Variants in ANKRD31 observed in about 807,000 individuals in gnomAD.
ANKRD31 encodes ankyrin repeat domain 31.
In ANKRD31, 147 loss-of-function variants were observed where a neutral mutation model predicts 186.0. The observed-to-expected ratio is 0.79, with a 90% CI of 0.69 to 0.91. The LOEUF (loss-of-function observed/expected upper bound fraction) is 0.91, where lower values mean the gene tolerates loss of function less well. Among genes scored for constraint, ANKRD31 ranks in the 40% least tolerant of loss-of-function variants. ANKRD31 has a pLI of 0.00. For missense variants in ANKRD31, 1,986 were observed against 2,148.8 expected (o/e 0.92, Z 1.50); for synonymous variants, 673 against 736.4 (o/e 0.91, Z 1.39).
In ANKRD31 at chr5:75,112,593, G is replaced by A. The variant is rs1372968305; in HGVS notation, c.4163C>T (p.Thr1388Ile). The stretch of plus-strand genomic sequence containing the variant: ...TATATCTTGTAGAATGGCACTGAGG[G>A]TCTGATGCTATCAGATAAAAATATT... ...RSRESLSVHQ[T>I]LSAILQDIEE... Residue 1388 changes from threonine to isoleucine, a missense_variant, in exon 20 of 26, where the codon ACC becomes ATC. By Grantham distance (89) the Thr-to-Ile change is moderately conservative. Transcript: ENST00000506364. 6.6e-7 allele frequency: 1 copy of A among 1,513,896 alleles called. No homozygotes were observed. Among genetic ancestry groups the A allele is most frequent in the Admixed American group, 2.0e-5 (1 of 49,164 alleles). The allele number at this position is 1,513,896 out of a possible 1,614,324, so 93.8% of individuals were successfully genotyped here. A position where few individuals can be genotyped will look rare whatever the true frequency, so the allele number is the denominator to read the frequency against.
At chr5:75,167,000 T>C (rs1465653262) in intron 11 of ANKRD31, among the ~76,000 whole-genome samples, 1 of 152,086 alleles carries the variant, frequency 6.6e-6, no homozygotes, top group Non-Finnish European at 1.5e-5. Flanking sequence ...TTAAAAGGGT[T>C]GTATAACCCT....
At chr5:75,174,619 AC>A (rs1302134716) in intron 10 of ANKRD31, among the ~76,000 whole-genome samples, 1 of 152,258 alleles carries the variant, frequency 6.6e-6, no homozygotes, top group East Asian at 1.9e-4. Flanking sequence ...GCCAACAGAC[AC>A]ATGAAAAAAT....
intron 22 of ANKRD31, among the ~76,000 whole-genome samples, chr5:75,102,760 C>T (rs1580330598): frequency 2.0e-5 from 3 of 152,200 alleles, no homozygotes; most frequent in African/African-American, 7.2e-5. Context: ...CCTGGTGTGC[C>T]GTTTGCTAAG....
intron 24 of ANKRD31, 74 bp downstream of exon 24, chr5:75,084,198 T>C: frequency 1.8e-6 from 2 of 1,097,540 alleles, no homozygotes; most frequent in South Asian, 2.8e-5. Context: ...AAAGACAAAA[T>C]AAAATGAGTG....
rs1034453284 is a variant in ANKRD31, at chr5:75,107,713, G to A, written c.4244-96C>T. 1.8e-5 allele frequency: 12 copies of A among 681,944 alleles called. No homozygotes were observed. In the East Asian group the frequency reaches 1.9e-4, roughly 11 times the overall value. The allele number at this position is 681,944 out of a possible 1,614,324, so 42.2% of individuals were successfully genotyped here. The stretch of plus-strand genomic sequence containing the variant: ...AGCCCTATTGTTAATTTTAAAAAGC[G>A]TTATTCCCTATGATCTTCCCCAATA... On this transcript the variant is annotated intron_variant, in intron 20 of 25. Transcript: ENST00000506364.
At chr5:75,155,986 A>C (rs142139627) in intron 11 of ANKRD31, among the ~76,000 whole-genome samples, 9,423 of 151,920 alleles carry the variant, frequency 0.062, 368 homozygotes, top group Middle Eastern at 0.13. Context: ...AGCTCACTGC[A>C]ACCTCTGCCT....
intron 3 of ANKRD31, among the ~76,000 whole-genome samples, chr5:75,215,823 T>C (rs554957766): frequency 4.0e-5 from 6 of 148,634 alleles, no homozygotes; most frequent in Admixed American, 6.7e-5. Context: ...AACAACAAAT[T>C]AAAAAAAAAA....
At chr5:75,132,145 C>A (rs1042481885) in intron 17 of ANKRD31, among the ~76,000 whole-genome samples, 1 of 152,176 alleles carries the variant, frequency 6.6e-6, no homozygotes, top group African/African-American at 2.4e-5. Flanking sequence ...AGCAATGGAG[C>A]AAAGATGGAC....
chr5:75,196,604 T>G (rs1219084963), intron 6 of ANKRD31, among the ~76,000 whole-genome samples: 1 of 152,184 alleles, frequency 6.6e-6, no homozygotes, highest in Non-Finnish European at 1.5e-5. Context: ...ATTTATAAAA[T>G]TATTAACTAG....
At chr5:75,100,134 A>G (rs997678913) in intron 22 of ANKRD31, among the ~76,000 whole-genome samples, 1 of 152,108 alleles carries the variant, frequency 6.6e-6, no homozygotes, top group Non-Finnish European at 1.5e-5. Context: ...CTCTGTTCTC[A>G]TTGGTTTCCA....
chr5:75,121,919 C>A (rs900751269), intron 17 of ANKRD31, among the ~76,000 whole-genome samples: 2 of 151,668 alleles, frequency 1.3e-5, no homozygotes, highest in East Asian at 1.9e-4. Context: ...CAAGAAAAAA[C>A]CAAACCCAAA....
At chr5:75,095,817 A>G (rs899098778) in intron 22 of ANKRD31, among the ~76,000 whole-genome samples, 1 of 151,674 alleles carries the variant, frequency 6.6e-6, no homozygotes, top group Non-Finnish European at 1.5e-5. Context: ...GTATATATAG[A>G]AAAAAAACAG....
At chr5:75,227,309 A>T (rs73116846) in intron 2 of ANKRD31, among the ~76,000 whole-genome samples, 7,440 of 152,278 alleles carry the variant, frequency 0.049, 394 homozygotes, top group African/African-American at 0.13. Flanking sequence ...GGATGTAGGG[A>T]TGGTTAATGG....
chr5:75,230,532 G>T, intron 2 of ANKRD31, 30 bp downstream of exon 2: 1 of 1,494,396 alleles, frequency 6.7e-7, no homozygotes, highest in Non-Finnish European at 9.0e-7. Context: ...GAAACTAAAG[G>T]GACTACTTAA....
At position 75,229,780 on chromosome 5, in the gene ANKRD31, G is replaced by A. The variant is rs146451794; in HGVS notation, c.178+782C>T. Among the ~76,000 whole-genome samples, 91 of 146,480 alleles carry A rather than the reference G, an allele frequency of 6.2e-4. 1 individual carries two copies. Among genetic ancestry groups the A allele is most frequent in the East Asian group, 3.8e-3 (19 of 4,938 alleles). Reference sequence around the variant, plus strand: ...CTCGCGAGGCTGAGGCAGAAGAATCGCTTGACCTGGGGAGGCGGAGGTTGC... The same window carrying A: ...CTCGCGAGGCTGAGGCAGAAGAATCACTTGACCTGGGGAGGCGGAGGTTGC... On this transcript the variant is annotated intron_variant, in intron 2 of 25. Coordinates refer to ENST00000506364, the MANE Select transcript of ANKRD31 (RefSeq NM_001372053.1).
intron 15 of ANKRD31, among the ~76,000 whole-genome samples, chr5:75,142,408 C>T (rs1480546305): frequency 6.6e-6 from 1 of 151,892 alleles, no homozygotes; most frequent in Admixed American, 6.6e-5. Flanking sequence ...CCTTGTAACC[C>T]TGCTGCACAT....
chr5:75,233,944 C>A (rs911124464), intron 1 of ANKRD31, among the ~76,000 whole-genome samples: 4 of 152,146 alleles, frequency 2.6e-5, no homozygotes, highest in South Asian at 4.2e-4. Flanking sequence ...AGATTCTTTC[C>A]TAAGGAAATT....
At chr5:75,094,837 A>G (rs956405876) in intron 22 of ANKRD31, among the ~76,000 whole-genome samples, 1 of 152,184 alleles carries the variant, frequency 6.6e-6, no homozygotes, top group Non-Finnish European at 1.5e-5. Flanking sequence ...GTAAGAGGAC[A>G]GAAAAAGTAT....
chr5:75,208,403 T>A (rs1186795858), intron 4 of ANKRD31, among the ~76,000 whole-genome samples: 1 of 152,130 alleles, frequency 6.6e-6, no homozygotes, highest in Non-Finnish European at 1.5e-5. Context: ...AAGGTCTCCA[T>A]CTGAGCTTTC....
Sources: allele counts gnomAD v4.1 joint callset (sites outside exome capture counted in the v4.1 genomes callset), GRCh38; gene constraint gnomAD v4.1.1; transcripts MANE v1.5; gene names NCBI Gene and HGNC (gene_info 2026-07-23, HGNC 2026-07-21).